Variants in GOLPH3 observed in about 807,000 individuals in gnomAD.
The protein encoded by GOLPH3 is coat protein GPP34.
In GOLPH3, 14 loss-of-function variants were observed where a neutral mutation model predicts 28.5. The observed-to-expected ratio is 0.49, with a 90% CI of 0.32 to 0.77. The LOEUF (loss-of-function observed/expected upper bound fraction) is 0.77, where lower values mean the gene tolerates loss of function less well. GOLPH3 is among the 30% of genes least tolerant of loss of function. The pLI is 0.03. For synonymous variants in GOLPH3, 158 were observed against 159.2 expected (o/e 0.99, Z 0.06); for missense variants, 350 against 393.7 (o/e 0.89, Z 0.94).
intron 3 of GOLPH3, among the ~76,000 whole-genome samples, chr5:32,128,129 T>G (rs1745724413): frequency 6.6e-6 from 1 of 152,204 alleles, no homozygotes; most frequent in Non-Finnish European, 1.5e-5. Context: ...GGCTGAAAGC[T>G]AAAGCTACAT....
At chr5:32,132,817 T>G (rs2111839605) in intron 3 of GOLPH3, among the ~76,000 whole-genome samples, 2 of 152,380 alleles carry the variant, frequency 1.3e-5, no homozygotes, top group South Asian at 2.1e-4. Flanking sequence ...CTTGATACTT[T>G]CAATTAGGTG....
At chr5:32,155,491 TA>T (rs1461631297) in intron 1 of GOLPH3, among the ~76,000 whole-genome samples, 1 of 152,174 alleles carries the variant, frequency 6.6e-6, no homozygotes, top group Non-Finnish European at 1.5e-5. Flanking sequence ...TTGTACTGTT[TA>T]AATAAGTGAA....
Position 32,135,650 on chromosome 5 carries a change from G to T in GOLPH3, c.394C>A (p.Leu132Ile). Residue 132 changes from leucine to isoleucine, a missense_variant, in exon 3 of 4, where the codon CTT (leucine) becomes ATT (isoleucine). Transcript: ENST00000265070. ...CKSDAPTGDV[L>I]LDEALKHVKE... is the part of the protein sequence containing the mutation. ...ACATGCTTCAGAGCTTCATCAAGAAGAACATCCCCTGTTGGAGCATCTGAC... is the reference window on the plus strand; with the variant it reads ...ACATGCTTCAGAGCTTCATCAAGAATAACATCCCCTGTTGGAGCATCTGAC... 6.2e-7 allele frequency: 1 copy of T among 1,613,632 alleles called. No individual in the cohort carries two copies. Among genetic ancestry groups the T allele is most frequent in the Non-Finnish European group, 8.5e-7 (1 of 1,179,616 alleles).
chr5:32,142,473 G>T (rs1201409063), intron 2 of GOLPH3, among the ~76,000 whole-genome samples: 3 of 149,072 alleles, frequency 2.0e-5, no homozygotes, highest in Non-Finnish European at 3.0e-5. Flanking sequence ...GGAGGGAGGT[G>T]GGGGGGTCAG....
chr5:32,151,897 A>G (rs934934825), intron 1 of GOLPH3, among the ~76,000 whole-genome samples: 5 of 152,210 alleles, frequency 3.3e-5, no homozygotes, highest in Non-Finnish European at 7.3e-5. Context: ...GGTTCCACAT[A>G]TATGGGGTAC....
intron 1 of GOLPH3, among the ~76,000 whole-genome samples, chr5:32,170,116 A>G (rs1487368847): frequency 6.6e-6 from 1 of 152,224 alleles, no homozygotes; most frequent in Non-Finnish European, 1.5e-5. Context: ...TAAATATTAT[A>G]GATTATAAAC....
rs1396139877 is a variant in GOLPH3, at chr5:32,125,706, G to A, written c.*506C>T. On this transcript the variant is annotated 3_prime_UTR_variant, in exon 4 of 4. Transcript: ENST00000265070. ...ACATTTTATATTAAGTATTTACTGT[G>A]CTGTTTCAATTTAAAAATAATTTTG... is the stretch of plus-strand genomic sequence containing the variant. The A allele has an allele frequency of 6.5e-6, 1 of 153,050 alleles. No homozygotes were observed. The highest frequency in any genetic ancestry group is 2.4e-5 in the African/African-American group (1 of 41,448). 9.5% of individuals were successfully genotyped at this position (153,050 alleles called of 1,614,324 possible).
intron 2 of GOLPH3, among the ~76,000 whole-genome samples, chr5:32,138,134 C>T (rs957663179): frequency 1.2e-4 from 19 of 152,126 alleles, no homozygotes; most frequent in African/African-American, 3.9e-4. Context: ...GAACTCCTGA[C>T]CTTGTGATCT....
At chr5:32,149,851 G>C (rs1393006687) in intron 1 of GOLPH3, among the ~76,000 whole-genome samples, 3 of 152,052 alleles carry the variant, frequency 2.0e-5, no homozygotes, top group Non-Finnish European at 4.4e-5. Context: ...ACAAAAATTA[G>C]CCAGGTGTGG....
chr5:32,173,731 T>C, intron 1 of GOLPH3, 79 bp downstream of exon 1: 1 of 1,051,904 alleles, frequency 9.5e-7, no homozygotes, highest in Non-Finnish European at 1.2e-6. Context: ...CCTCGGGCGC[T>C]CACCTGGCAC....
intron 1 of GOLPH3, among the ~76,000 whole-genome samples, chr5:32,158,015 AAAT>A (rs1746472545): frequency 5.1e-5 from 2 of 39,130 alleles, no homozygotes; most frequent in Non-Finnish European, 1.1e-4. Flanking sequence ...ATAAATAAAT[AAAT>A]AAAATACACA....
intron 1 of GOLPH3, among the ~76,000 whole-genome samples, chr5:32,169,969 A>G (rs1318527741): frequency 6.6e-6 from 1 of 152,158 alleles, no homozygotes; most frequent in African/African-American, 2.4e-5. Context: ...GAAAAAAAAA[A>G]AAATCAATCA....
intron 3 of GOLPH3, among the ~76,000 whole-genome samples, chr5:32,127,081 T>G (rs1040069232): frequency 2.6e-5 from 4 of 152,172 alleles, no homozygotes; most frequent in Admixed American, 2.6e-4. Context: ...CCTATAGAGG[T>G]AGGAAAGCCT....
chr5:32,173,682 C>A (rs866528518), intron 1 of GOLPH3, 128 bp downstream of exon 1: 1 of 576,736 alleles, frequency 1.7e-6, no homozygotes, highest in Non-Finnish European at 2.6e-6. Context: ...CGCCACCAGG[C>A]GCGGACTTCG....
At chr5:32,141,576 A>ACTCTCC (rs67157498) in intron 2 of GOLPH3, among the ~76,000 whole-genome samples, 1 of 150,318 alleles carries the variant, frequency 6.7e-6, no homozygotes, top group East Asian at 2.0e-4. Context: ...GCTGCAAATG[A>ACTCTCC]CTCTCCCTCT....
In GOLPH3 at chr5:32,125,224, T is replaced by G. The variant is rs1408447444; in HGVS notation, c.*988A>C. The G allele has an allele frequency of 6.6e-6, 1 of 152,602 alleles. No homozygotes were observed. The highest frequency in any genetic ancestry group is 1.5e-5 in the Non-Finnish European group (1 of 68,034). 9.5% of individuals were successfully genotyped at this position (152,602 alleles called of 1,614,324 possible). On this transcript the variant is annotated 3_prime_UTR_variant, in exon 4 of 4. Transcript: ENST00000265070. ...ATTTCAGAGCAGATATTAATTTACT[T>G]GTGGACAGAAAAAGAAACTCAAGAT...
intron 1 of GOLPH3, among the ~76,000 whole-genome samples, chr5:32,153,690 G>GT (rs1746358763): frequency 6.6e-6 from 1 of 152,140 alleles, no homozygotes; most frequent in Non-Finnish European, 1.5e-5. Context: ...ATAAAACCCA[G>GT]TAAGTTAAAT....
At chr5:32,139,890 A>G (rs1746018170) in intron 2 of GOLPH3, among the ~76,000 whole-genome samples, 1 of 152,192 alleles carries the variant, frequency 6.6e-6, no homozygotes, top group African/African-American at 2.4e-5. Flanking sequence ...AAAACAAACT[A>G]CGATTTTTAA....
chr5:32,161,982 G>A (rs1042678623), intron 1 of GOLPH3, among the ~76,000 whole-genome samples: 5 of 150,646 alleles, frequency 3.3e-5, no homozygotes, highest in Non-Finnish European at 7.4e-5. Flanking sequence ...AGCCGAGATC[G>A]CACAACTGCA....
Sources: allele counts gnomAD v4.1 joint callset (sites outside exome capture counted in the v4.1 genomes callset), GRCh38; gene constraint gnomAD v4.1.1; transcripts MANE v1.5; gene names NCBI Gene and HGNC (gene_info 2026-07-23, HGNC 2026-07-21).